RNF217: variants seen among roughly 807,000 people sequenced by gnomAD.
The protein encoded by RNF217 is ring finger protein 217, also known as E3 ubiquitin-protein ligase RNF217.
In RNF217, 31 loss-of-function variants were observed where a neutral mutation model predicts 57.8. That is an observed-to-expected ratio of 0.54 (90% confidence interval 0.40 to 0.72). The LOEUF (loss-of-function observed/expected upper bound fraction) is 0.72, where lower values mean the gene tolerates loss of function less well. Among genes scored for constraint, RNF217 ranks in the 30% least tolerant of loss-of-function variants. The probability of loss-of-function intolerance (pLI) is 0.00; values close to 1 mark genes in which losing one functional copy is unlikely to be tolerated. For synonymous variants in RNF217, 313 were observed against 294.0 expected, an observed-to-expected ratio of 1.06 and a Z score of -0.66; for missense variants, 696 against 708.3, an observed-to-expected ratio of 0.98 and a Z score of 0.20.
chr6:125,059,089 A>G (rs544625255), intron 3 of RNF217, among the ~76,000 whole-genome samples: 1 of 152,284 alleles, frequency 6.6e-6, no homozygotes, highest in East Asian at 1.9e-4. Flanking sequence ...TAATAATAAT[A>G]AATGTACAGA....
intron 1 of RNF217, among the ~76,000 whole-genome samples, chr6:125,040,330 A>G (rs1048505768): frequency 1.3e-5 from 2 of 152,172 alleles, no homozygotes; most frequent in African/African-American, 4.8e-5. Context: ...CAAATAAACC[A>G]GAAAATCTAG....
intron 1 of RNF217, among the ~76,000 whole-genome samples, chr6:125,040,506 A>G (rs554489951): frequency 5.2e-4 from 79 of 152,324 alleles, no homozygotes; most frequent in Admixed American, 5.0e-3. Flanking sequence ...GAATTCTACC[A>G]GAGGTACAGA....
chr6:125,083,217 A>G lies in RNF217; in HGVS notation c.*280A>G, dbSNP rs1449587612. On this transcript the variant is annotated 3_prime_UTR_variant, in exon 6 of 6. Transcript: ENST00000521654. ...TCTGACCTTTGTGGTTCTTGGAAGAAGATATTTTAAGAACCAGTTATCCTA... is the reference window on the plus strand; with the variant it reads ...TCTGACCTTTGTGGTTCTTGGAAGAGGATATTTTAAGAACCAGTTATCCTA... The G allele has an allele frequency of 2.0e-5, 5 of 253,392 alleles. No individual in the cohort carries two copies. The East Asian group carries it at 3.9e-4, about 20-fold the overall frequency. 15.7% of individuals were successfully genotyped at this position (253,392 alleles called of 1,614,324 possible). A position where few individuals can be genotyped will look rare whatever the true frequency, so the allele number is the denominator to read the frequency against.
rs7746892 is a variant in RNF217 at position 125,087,117 on chromosome 6, C to G, written c.*4180C>G. 0.11 allele frequency: 16,243 copies of G among 152,102 alleles called. 920 individuals carry two copies. Among genetic ancestry groups the G allele is most frequent in the Non-Finnish European group, 0.12 (7,885 of 67,966 alleles). The allele number at this position is 152,102 out of a possible 1,614,324, so 9.4% of individuals were successfully genotyped here. ...TATGTGGGAAACATTAGAATTCCTT[C>G]CTGACCTTTGTCAAATGAGGGCACA... is the stretch of plus-strand genomic sequence containing the variant. On this transcript the variant is annotated 3_prime_UTR_variant, in exon 6 of 6. Transcript: ENST00000521654.
chr6:124,989,253 A>T (rs1160892383), intron 1 of RNF217, among the ~76,000 whole-genome samples: 3 of 152,338 alleles, frequency 2.0e-5, no homozygotes, highest in African/African-American at 7.2e-5. Flanking sequence ...GTATTCTTTT[A>T]GTATAACTAC....
chr6:125,083,793 G>A lies in RNF217; in HGVS notation c.*856G>A, dbSNP rs1002737248. The A allele has an allele frequency of 2.0e-5, 3 of 152,002 alleles. No homozygotes were observed. Among genetic ancestry groups the A allele is most frequent in the East Asian group, 1.9e-4 (1 of 5,186 alleles). The allele number at this position is 152,002 out of a possible 1,614,324, so 9.4% of individuals were successfully genotyped here. A position where few individuals can be genotyped will look rare whatever the true frequency, so the allele number is the denominator to read the frequency against. On this transcript the variant is annotated 3_prime_UTR_variant, in exon 6 of 6. Coordinates refer to ENST00000521654, the MANE Select transcript of RNF217 (RefSeq NM_001286398.3). ...ACACAAACACAGAAATTTGTGCAACGTCACCCCAAGGAGTATTAAGCTTTG... is the reference window on the plus strand; with the variant it reads ...ACACAAACACAGAAATTTGTGCAACATCACCCCAAGGAGTATTAAGCTTTG...
intron 1 of RNF217, among the ~76,000 whole-genome samples, chr6:125,004,641 G>A (rs1785105002): frequency 6.6e-6 from 1 of 152,192 alleles, no homozygotes. Context: ...GTGCTGTGAA[G>A]GCCTAAGTCT....
chr6:125,046,485 A>G, intron 2 of RNF217: 1 of 430,344 alleles, frequency 2.3e-6, no homozygotes, highest in South Asian at 1.7e-5. Context: ...CCACCCCAGA[A>G]CAATTGTCTT....
intron 2 of RNF217, among the ~76,000 whole-genome samples, chr6:125,050,547 A>G (rs1388431543): frequency 6.6e-6 from 1 of 151,988 alleles, no homozygotes; most frequent in African/African-American, 2.4e-5. Context: ...AGAATTTTCT[A>G]AGGGCTTTAA....
At chr6:125,024,899 C>T (rs570884145) in intron 1 of RNF217, among the ~76,000 whole-genome samples, 2 of 152,060 alleles carry the variant, frequency 1.3e-5, no homozygotes, top group South Asian at 4.2e-4. Flanking sequence ...TGGGAGCTTG[C>T]ACTGTATATA....
At chr6:124,998,711 G>T (rs1784845510) in intron 1 of RNF217, among the ~76,000 whole-genome samples, 2 of 152,212 alleles carry the variant, frequency 1.3e-5, no homozygotes, top group South Asian at 4.1e-4. Flanking sequence ...CCAGGCAGGA[G>T]AATCGTTTGA....
At chr6:125,010,240 G>C (rs1785367065) in intron 1 of RNF217, among the ~76,000 whole-genome samples, 1 of 152,104 alleles carries the variant, frequency 6.6e-6, no homozygotes, top group African/African-American at 2.4e-5. Context: ...AGTGTGACTG[G>C]TAATTATTTC....
intron 1 of RNF217, among the ~76,000 whole-genome samples, chr6:124,967,085 T>C (rs1783571334): frequency 6.6e-6 from 1 of 152,192 alleles, no homozygotes; most frequent in African/African-American, 2.4e-5. Flanking sequence ...TTTAGAGCTC[T>C]AAATCCAAGG....
chr6:125,023,732 T>A (rs1322514711), intron 1 of RNF217, among the ~76,000 whole-genome samples: 1 of 152,190 alleles, frequency 6.6e-6, no homozygotes, highest in Non-Finnish European at 1.5e-5. Context: ...AATGGGATGT[T>A]AATCAGTCTT....
At chr6:124,991,802 A>G (rs1784572178) in intron 1 of RNF217, among the ~76,000 whole-genome samples, 1 of 152,204 alleles carries the variant, frequency 6.6e-6, no homozygotes, top group Admixed American at 6.5e-5. Flanking sequence ...GTAAATTAAA[A>G]TTAAGTAAAG....
intron 1 of RNF217, chr6:125,009,324 A>G: frequency 7.3e-7 from 1 of 1,362,004 alleles, no homozygotes; most frequent in Non-Finnish European, 1.1e-6. Flanking sequence ...TTTGTGCTGC[A>G]GGAGCCCTTG....
intron 1 of RNF217, among the ~76,000 whole-genome samples, chr6:125,017,304 C>T (rs1275400573): frequency 6.6e-6 from 1 of 152,086 alleles, no homozygotes; most frequent in Non-Finnish European, 1.5e-5. Context: ...TTGTATTTTT[C>T]ATTTGCCTTT....
chr6:125,080,553 T>A (rs1198945420), intron 4 of RNF217, among the ~76,000 whole-genome samples: 1 of 152,088 alleles, frequency 6.6e-6, no homozygotes, highest in Non-Finnish European at 1.5e-5. Context: ...CTTTCTCATC[T>A]CTTATTGCAT....
At chr6:125,066,178 G>C (rs1320636822) in intron 3 of RNF217, among the ~76,000 whole-genome samples, 1 of 152,148 alleles carries the variant, frequency 6.6e-6, no homozygotes, top group African/African-American at 2.4e-5. Flanking sequence ...CTTTCTCTCT[G>C]CAGGATTTTC....
Sources: allele counts gnomAD v4.1 joint callset (sites outside exome capture counted in the v4.1 genomes callset), GRCh38; gene constraint gnomAD v4.1.1; transcripts MANE v1.5; gene names NCBI Gene and HGNC (gene_info 2026-07-23, HGNC 2026-07-21).